Variants in GIGYF2 observed in about 807,000 individuals in gnomAD.
The protein encoded by GIGYF2 is GRB10-interacting GYF protein 2.
In GIGYF2, 25 loss-of-function variants were observed where a neutral mutation model predicts 208.1. The ratio of observed to expected loss-of-function variants is 0.12; its 90% CI spans 0.09 to 0.17. The LOEUF is 0.17. Among genes scored for constraint, GIGYF2 ranks in the 10% least tolerant of loss-of-function variants. The pLI is 1.00. For missense variants in GIGYF2, 1,302 were observed against 1,579.4 expected (o/e 0.82, Z 2.98); for synonymous variants, 534 against 543.8 (o/e 0.98, Z 0.25).
chr2:232,860,270 T>A lies in GIGYF2; in HGVS notation c.*3410T>A, dbSNP rs561512385. The A allele has an allele frequency of 2.0e-5, 3 of 152,246 alleles. No individual in the cohort carries two copies. Among genetic ancestry groups the A allele is most frequent in the South Asian group, 2.1e-4 (1 of 4,824 alleles). 9.4% of individuals were successfully genotyped at this position (152,246 alleles called of 1,614,324 possible). ...CCTCAGCCTCCCAAGTAGCTGGGAC[T>A]ACAGCTATGTGCCAGTGCACCCAGC... is the stretch of plus-strand genomic sequence containing the variant. On this transcript the variant is annotated 3_prime_UTR_variant, in exon 29 of 29. Transcript: ENST00000373563.
intron 28 of GIGYF2, among the ~76,000 whole-genome samples, chr2:232,854,508 A>ATG (rs1690478236): frequency 1.3e-5 from 2 of 151,996 alleles, no homozygotes; most frequent in Non-Finnish European, 2.9e-5. Flanking sequence ...ATACATATAT[A>ATG]TGTATATATA....
chr2:232,833,080 T>C lies in GIGYF2; in HGVS notation c.2753T>C (p.Leu918Pro). The change falls in exon 22 of 29, where the codon CTG becomes CCG. Residue 918 changes from leucine (L) to proline (P), a missense_variant. By Grantham distance (98) the Leu-to-Pro change is moderately conservative. Around this residue, in one of 8 missense-constraint regions of GIGYF2, gnomAD observed 701 missense variants for 793.0 expected, o/e 0.88. Coordinates refer to ENST00000373563, the MANE Select transcript of GIGYF2 (RefSeq NM_001103146.3). ...RLQQQQQQQQ[L>P]AQMKLPSSST... ...CAGCAGCAGCAGCAGCAACAACAGC[T>C]GGCGCAGATGAAGGTAAAGCCCGAG... is the stretch of plus-strand genomic sequence containing the variant. 1 of 1,551,508 alleles carries C rather than the reference T, an allele frequency of 6.4e-7. No homozygotes were observed. The highest frequency in any genetic ancestry group is 8.7e-7 in the Non-Finnish European group (1 of 1,146,792).
chr2:232,714,782 T>G (rs943479085), intron 2 of GIGYF2, among the ~76,000 whole-genome samples: 4 of 151,862 alleles, frequency 2.6e-5, no homozygotes, highest in Non-Finnish European at 4.4e-5. Flanking sequence ...CATATTTAGG[T>G]CTGGCATCTT....
At position 232,857,038 on chromosome 2, in the gene GIGYF2, T is replaced by A; in HGVS notation, c.*178T>A. The stretch of plus-strand genomic sequence containing the variant: ...CCAAGATTCTTTAATCCATTTTTGT[T>A]GGTGAACATCTCAGACTATAGATAA... On this transcript the variant is annotated 3_prime_UTR_variant, in exon 29 of 29. Transcript: ENST00000373563. 9 of 659,480 alleles carry A rather than the reference T, an allele frequency of 1.4e-5. No individual in the cohort carries two copies. Among genetic ancestry groups the A allele is most frequent in the Non-Finnish European group, 2.5e-5 (9 of 361,942 alleles). 40.9% of individuals were successfully genotyped at this position (659,480 alleles called of 1,614,324 possible).
At chr2:232,838,041 T>TTA (rs900392599) in intron 22 of GIGYF2, among the ~76,000 whole-genome samples, 5 of 152,072 alleles carry the variant, frequency 3.3e-5, no homozygotes, top group African/African-American at 1.2e-4. Context: ...TGAGTGGGCA[T>TTA]TATAGGGTGG....
chr2:232,710,224 G>T (rs536259925), intron 2 of GIGYF2, among the ~76,000 whole-genome samples: 8 of 152,110 alleles, frequency 5.3e-5, no homozygotes, highest in Non-Finnish European at 1.0e-4. Flanking sequence ...CTCCCAAAGT[G>T]CTGGGATTAC....
chr2:232,839,888 A>T lies in GIGYF2; in HGVS notation c.2806A>T (p.Thr936Ser). 6.2e-7 allele frequency: 1 copy of T among 1,613,986 alleles called. No homozygotes were observed. The highest frequency in any genetic ancestry group is 1.7e-5 in the Admixed American group (1 of 60,020). ...SSTWGQQSNT[T>S]ACQSQATLSL... ...AACGTGGGGCCAGCAGTCCAATACA[A>T]CAGCATGTCAGTCCCAGGCCACGCT... is the stretch of plus-strand genomic sequence containing the variant. Residue 936 changes from threonine to serine, a missense_variant, in exon 23 of 29, where the codon ACA becomes TCA. Around this residue, in one of 8 missense-constraint regions of GIGYF2, gnomAD observed 701 missense variants for 793.0 expected, o/e 0.88. Transcript: ENST00000373563.
At chr2:232,798,577 T>G (rs1050141803) in intron 14 of GIGYF2, among the ~76,000 whole-genome samples, 3 of 152,120 alleles carry the variant, frequency 2.0e-5, no homozygotes, top group Non-Finnish European at 4.4e-5. Context: ...GCATTTGATG[T>G]TTTTGCTATT....
At chr2:232,735,528 C>T in intron 3 of GIGYF2, 3 of 341,500 alleles carry the variant, frequency 8.8e-6, no homozygotes, top group South Asian at 1.6e-4. Flanking sequence ...TCTAGGTGCA[C>T]ATACAATTTT....
chr2:232,697,804 C>G (rs2106234263), intron 1 of GIGYF2, among the ~76,000 whole-genome samples: 1 of 152,350 alleles, frequency 6.6e-6, no homozygotes, highest in African/African-American at 2.4e-5. Flanking sequence ...AGACACCCGC[C>G]CAGTCTCGGG....
intron 18 of GIGYF2, among the ~76,000 whole-genome samples, chr2:232,813,894 T>C (rs1230913806): frequency 6.8e-6 from 1 of 146,792 alleles, no homozygotes; most frequent in Non-Finnish European, 1.5e-5. Context: ...TTTTTTTTTT[T>C]TTTTTTTTTT....
At chr2:232,760,136 CAAT>C (rs1698691529) in intron 6 of GIGYF2, 1 of 168,146 alleles carries the variant, frequency 5.9e-6, no homozygotes, top group Non-Finnish European at 1.3e-5. Context: ...GAAAATAAAA[CAAT>C]AAAATATTTA....
chr2:232,825,172 G>A (rs941067408), intron 21 of GIGYF2, among the ~76,000 whole-genome samples: 1 of 152,222 alleles, frequency 6.6e-6, no homozygotes, highest in African/African-American at 2.4e-5. Flanking sequence ...TCTGCAGCCT[G>A]TGGATCAAGG....
At chr2:232,830,736 A>T (rs933242468) in intron 21 of GIGYF2, among the ~76,000 whole-genome samples, 2 of 152,082 alleles carry the variant, frequency 1.3e-5, no homozygotes, top group Non-Finnish European at 1.5e-5. Context: ...AATCCCCACG[A>T]CTCAAGAGGC....
intron 2 of GIGYF2, among the ~76,000 whole-genome samples, chr2:232,717,271 C>T (rs114259180): frequency 1.9e-3 from 294 of 152,214 alleles, no homozygotes; most frequent in African/African-American, 6.8e-3. Flanking sequence ...ATGGGCACAG[C>T]CCTGCACTCT....
At chr2:232,847,276 G>A in intron 26 of GIGYF2, 72 bp from the exon 27 acceptor site, 1 of 1,496,774 alleles carries the variant, frequency 6.7e-7, no homozygotes, top group Non-Finnish European at 9.3e-7. Flanking sequence ...CATTAAAAAT[G>A]GAAACTGATT....
Position 232,745,119 on chromosome 2 carries a change from T to G in GIGYF2, c.42-2496T>G, listed in dbSNP as rs568209623. On this transcript the variant is annotated intron_variant, in intron 3 of 28. Coordinates refer to ENST00000373563, the MANE Select transcript of GIGYF2 (RefSeq NM_001103146.3). Reference sequence around the variant, plus strand: ...GTAGTTCCTTTCTTCTTGGAAGGAGTGATTGGACCATTCCTTTGTGGGTAT... The same window carrying G: ...GTAGTTCCTTTCTTCTTGGAAGGAGGGATTGGACCATTCCTTTGTGGGTAT... Among the ~76,000 whole-genome samples the G allele has an allele frequency of 3.3e-5, 5 of 152,006 alleles. No individual in the cohort carries two copies. The East Asian group carries it at 7.8e-4, about 24-fold the overall frequency.
At chr2:232,822,688 A>T (rs1259779068) in intron 21 of GIGYF2, among the ~76,000 whole-genome samples, 3 of 152,088 alleles carry the variant, frequency 2.0e-5, no homozygotes, top group Non-Finnish European at 4.4e-5. Flanking sequence ...GGAGGGGGAA[A>T]AGCTGTTTAT....
intron 21 of GIGYF2, among the ~76,000 whole-genome samples, chr2:232,820,924 C>T (rs1158621665): frequency 1.3e-5 from 2 of 149,632 alleles, no homozygotes; most frequent in Non-Finnish European, 3.0e-5. Context: ...TCCACCTCCC[C>T]AGCTCAAGCG....
Sources: gnomAD v4.1 joint callset for allele counts (sites outside exome capture counted in the v4.1 genomes callset) on GRCh38, gnomAD v4.1.1 for gene constraint, gnomAD v4.1.1 regional missense constraint, MANE v1.5 for transcripts, NCBI Gene and HGNC (gene_info 2026-07-23, HGNC 2026-07-21) for gene names.